The following VSTM1 variants were observed in gnomAD, a reference collection of about 807,000 sequenced individuals.
The protein encoded by VSTM1 is V-set and transmembrane domain-containing protein 1.
A neutral mutation model predicts 33.1 loss-of-function variants in VSTM1; 27 were observed. That is an observed-to-expected ratio of 0.82 (90% CI 0.60 to 1.12). The LOEUF is 1.12. Among genes scored for constraint, VSTM1 ranks in the 50% most tolerant of loss-of-function variants. VSTM1 has a pLI of 0.00. For synonymous variants in VSTM1, 115 were observed against 110.3 expected (o/e 1.04, Z -0.27); for missense variants, 304 against 288.9 (o/e 1.05, Z -0.38).
chr19:54,062,215 C>T lies in VSTM1; in HGVS notation c.34+1529G>A, dbSNP rs150634133. Among the ~76,000 whole-genome samples, 467 of 152,178 alleles carry T rather than the reference C, an allele frequency of 3.1e-3. 2 individuals are homozygous for T. The highest frequency in any genetic ancestry group is 0.01 in the Middle Eastern group (3 of 294). On this transcript the variant is annotated intron_variant, in intron 1 of 8. Transcript: ENST00000338372. Reference sequence around the variant, plus strand: ...CACTAGAAGAGGGGCATAAAACAGACGCTCCTTCATAGTTCTCAGAAGGAA... The same window carrying T: ...CACTAGAAGAGGGGCATAAAACAGATGCTCCTTCATAGTTCTCAGAAGGAA...
In VSTM1 at chr19:54,054,699, G is replaced by A. The variant is rs1191337718; in HGVS notation, c.356-3251C>T. Among the ~76,000 whole-genome samples, 6 of 139,660 alleles carry A rather than the reference G, an allele frequency of 4.3e-5. 1 individual carries two copies. Among genetic ancestry groups the A allele is most frequent in the Admixed American group, 3.7e-4 (5 of 13,456 alleles). 91.6% of individuals were successfully genotyped at this position (139,660 alleles called of 152,430 possible). ...GGTGGGTGGGGGTGAGTGAATGGGT[G>A]AAAGGGTGGATGAGTGGATGAATGG... is the stretch of plus-strand genomic sequence containing the variant. On this transcript the variant is annotated intron_variant, in intron 3 of 8. Coordinates refer to ENST00000338372, the MANE Select transcript of VSTM1 (RefSeq NM_198481.4).
rs570416769 is a variant in VSTM1, at chr19:54,063,852, G to A, written c.-75C>T. Reference sequence around the variant, plus strand: ...AAGGCGGAGCGGGACTGGGCCGGCCGCAGCTCTCCGGCTGCCCGGTTCGTC... The same window carrying A: ...AAGGCGGAGCGGGACTGGGCCGGCCACAGCTCTCCGGCTGCCCGGTTCGTC... On this transcript the variant is annotated 5_prime_UTR_variant, in exon 1 of 9. Coordinates refer to ENST00000338372, the MANE Select transcript of VSTM1 (RefSeq NM_198481.4). 3 of 1,540,834 alleles carry A rather than the reference G, an allele frequency of 1.9e-6. No homozygotes were observed. The highest frequency in any genetic ancestry group is 1.4e-5 in the African/African-American group (1 of 72,300).
At position 54,041,701 on chromosome 19, in the gene VSTM1, G is replaced by T. The variant is rs1000564452; in HGVS notation, c.591+78C>A. ...GATAAACAGTATACATTTCTGTATG[G>T]GCTTAACCAGGAGGCACACACGACC... is the stretch of plus-strand genomic sequence containing the variant. On this transcript the variant is annotated intron_variant, in intron 8 of 8. Transcript: ENST00000338372. 21 of 1,457,796 alleles carry T rather than the reference G, an allele frequency of 1.4e-5. No individual in the cohort carries two copies. The African/African-American group carries it at 1.6e-4, about 11-fold the overall frequency. 90.3% of individuals were successfully genotyped at this position (1,457,796 alleles called of 1,614,324 possible). A position where few individuals can be genotyped will look rare whatever the true frequency, so the allele number is the denominator to read the frequency against.
intron 4 of VSTM1, among the ~76,000 whole-genome samples, chr19:54,051,089 C>T (rs528663948): frequency 3.3e-5 from 5 of 149,376 alleles, no homozygotes; most frequent in South Asian, 4.3e-4. Flanking sequence ...GTCAGGAGTT[C>T]GAGACCAGCC....
chr19:54,059,801 A>C (rs2071296433), intron 1 of VSTM1, among the ~76,000 whole-genome samples: 1 of 150,054 alleles, frequency 6.7e-6, no homozygotes, highest in Non-Finnish European at 1.5e-5. Flanking sequence ...TTGCCACTTA[A>C]ATAATGCAAA....
Position 54,063,735 on chromosome 19 carries a change from G to T in VSTM1, c.34+9C>A. On this transcript the variant is annotated intron_variant, in intron 1 of 8. Transcript: ENST00000338372. ...CCCAAGCCCATTCGTCCCAGTCCTG[G>T]AGACTCACCGAGGCAAAGCAGGGAG... 1.9e-6 allele frequency: 3 copies of T among 1,613,680 alleles called. No homozygotes were observed. Among genetic ancestry groups the T allele is most frequent in the Middle Eastern group, 3.3e-4 (2 of 6,054 alleles).
intron 4 of VSTM1, among the ~76,000 whole-genome samples, chr19:54,047,301 ATT>A (rs35591694): frequency 6.7e-6 from 1 of 148,404 alleles, no homozygotes; most frequent in Admixed American, 6.7e-5. Context: ...AAAAGCAACA[ATT>A]TTTTTTTTTT....
chr19:54,040,931 C>A lies in VSTM1; in HGVS notation c.*30G>T, dbSNP rs376810772. 4.4e-5 allele frequency: 71 copies of A among 1,603,644 alleles called. No homozygotes were observed. The Middle Eastern group carries it at 8.5e-4, about 19-fold the overall frequency. On this transcript the variant is annotated 3_prime_UTR_variant, in exon 9 of 9. Coordinates refer to ENST00000338372, the MANE Select transcript of VSTM1 (RefSeq NM_198481.4). ...GATAACCTTGGCCAGCACGATCCCCCCTCCTTTAGTGGCCAGGGCTGTCTT... is the reference window on the plus strand; with the variant it reads ...GATAACCTTGGCCAGCACGATCCCCACTCCTTTAGTGGCCAGGGCTGTCTT...
rs550201273 is a variant in VSTM1, at chr19:54,042,103, G to A, written c.515+66C>T. 67 of 1,606,282 alleles carry A rather than the reference G, an allele frequency of 4.2e-5. No homozygotes were observed. The Middle Eastern group carries it at 5.0e-4, about 12-fold the overall frequency. ...GGGGCTCAGGGTGCCAATCCCGGAT[G>A]TGCCAATGGGTTCCCTTGAGAATGA... On this transcript the variant is annotated intron_variant, in intron 6 of 8. Transcript: ENST00000338372.
Position 54,055,106 on chromosome 19 carries a change from C to T in VSTM1, c.355+3200G>A, listed in dbSNP as rs539575833. ...AGTCATGTATGTTACAATCCTCCCACGTGCATCTTCTCACTGTGGTCCTCA... is the reference window on the plus strand; with the variant it reads ...AGTCATGTATGTTACAATCCTCCCATGTGCATCTTCTCACTGTGGTCCTCA... On this transcript the variant is annotated intron_variant, in intron 3 of 8. Coordinates refer to ENST00000338372, the MANE Select transcript of VSTM1 (RefSeq NM_198481.4). Among the ~76,000 whole-genome samples the T allele has an allele frequency of 1.6e-4, 22 of 140,066 alleles. 6 individuals are homozygous for T. The South Asian group carries it at 1.9e-3, about 12-fold the overall frequency. 91.9% of individuals were successfully genotyped at this position (140,066 alleles called of 152,430 possible).
intron 1 of VSTM1, among the ~76,000 whole-genome samples, 183 bp downstream of exon 1, chr19:54,063,561 C>T (rs1388983291): frequency 6.6e-6 from 1 of 152,134 alleles, no homozygotes; most frequent in Non-Finnish European, 1.5e-5. Context: ...TGCAGCGCGG[C>T]CTCCTCCTCG....
At position 54,052,316 on chromosome 19, in the gene VSTM1, T is replaced by G. The variant is rs1359314386; in HGVS notation, c.356-868A>C. Among the ~76,000 whole-genome samples the G allele has an allele frequency of 4.9e-5, 7 of 143,274 alleles. 1 individual carries two copies. Among genetic ancestry groups the G allele is most frequent in the South Asian group, 2.3e-4 (1 of 4,342 alleles). 94.0% of individuals were successfully genotyped at this position (143,274 alleles called of 152,430 possible). On this transcript the variant is annotated intron_variant, in intron 3 of 8. Transcript: ENST00000338372. ...GGGAGGCTGAGGCAGGAGAATGGCG[T>G]GAACCCGGGAGGCGGAGCTTGCAGT...
intron 4 of VSTM1, among the ~76,000 whole-genome samples, chr19:54,049,144 A>G (rs1171808994): frequency 6.6e-6 from 1 of 152,226 alleles, no homozygotes; most frequent in Non-Finnish European, 1.5e-5. Context: ...CTATCCATAC[A>G]ATACGATGCT....
At chr19:54,044,476 C>T (rs2070472827) in intron 4 of VSTM1, among the ~76,000 whole-genome samples, 1 of 152,114 alleles carries the variant, frequency 6.6e-6, no homozygotes, top group Non-Finnish European at 1.5e-5. Context: ...AAGAGAATTG[C>T]TTGAACCTGG....
At chr19:54,043,822 G>C (rs138592874) in intron 4 of VSTM1, among the ~76,000 whole-genome samples, 2 of 152,246 alleles carry the variant, frequency 1.3e-5, no homozygotes, top group Middle Eastern at 3.4e-3. Context: ...TTAAAGGAGA[G>C]AGAGAGATGT....
chr19:54,059,949 G>T (rs531460187), intron 1 of VSTM1, among the ~76,000 whole-genome samples: 1 of 151,086 alleles, frequency 6.6e-6, no homozygotes, highest in African/African-American at 2.4e-5. Context: ...CCGGGTTCAC[G>T]CCATTCTCCT....
At position 54,063,872 on chromosome 19, in the gene VSTM1, T is replaced by C; in HGVS notation, c.-95A>G. Reference sequence around the variant, plus strand: ...CGGCCGCAGCTCTCCGGCTGCCCGGTTCGTCCCCAGGATGTGCAGATAGAG... The same window carrying C: ...CGGCCGCAGCTCTCCGGCTGCCCGGCTCGTCCCCAGGATGTGCAGATAGAG... On this transcript the variant is annotated 5_prime_UTR_variant, in exon 1 of 9. Coordinates refer to ENST00000338372, the MANE Select transcript of VSTM1 (RefSeq NM_198481.4). The C allele has an allele frequency of 7.0e-7, 1 of 1,421,806 alleles. No individual in the cohort carries two copies. Among genetic ancestry groups the C allele is most frequent in the Non-Finnish European group, 9.6e-7 (1 of 1,038,428 alleles). The allele number at this position is 1,421,806 out of a possible 1,614,324, so 88.1% of individuals were successfully genotyped here. A position where few individuals can be genotyped will look rare whatever the true frequency, so the allele number is the denominator to read the frequency against.
At chr19:54,058,046 C>G (rs547570682) in intron 3 of VSTM1, among the ~76,000 whole-genome samples, 14 of 152,064 alleles carry the variant, frequency 9.2e-5, no homozygotes, top group African/African-American at 3.4e-4. Flanking sequence ...GGAGACCATC[C>G]TGGCTAACAT....
At chr19:54,048,305 G>A in intron 4 of VSTM1, 1 of 357,150 alleles carries the variant, frequency 2.8e-6, no homozygotes, top group African/African-American at 2.2e-5. Context: ...TTGTAGAGAT[G>A]GGATCTTACC....
Sources: gnomAD v4.1 joint callset for allele counts (sites outside exome capture counted in the v4.1 genomes callset) on GRCh38, gnomAD v4.1.1 for gene constraint, MANE v1.5 for transcripts, NCBI Gene and HGNC (gene_info 2026-07-23, HGNC 2026-07-21) for gene names.